The following RIN3 variants were observed in gnomAD, a reference collection of about 807,000 sequenced individuals.
RIN3 encodes the protein Ras and Rab interactor 3.
Under a neutral mutation model 76.3 loss-of-function variants are expected in RIN3, and 54 were observed. That is an observed-to-expected ratio of 0.71 (90% CI 0.57 to 0.89). RIN3 has a LOEUF of 0.89. Among genes scored for constraint, RIN3 ranks in the 40% least tolerant of loss-of-function variants. RIN3 has a pLI of 0.00. For missense variants in RIN3, 1,256 were observed against 1,322.1 expected, an observed-to-expected ratio of 0.95 and a Z score of 0.78; for synonymous variants, 576 against 564.0, an observed-to-expected ratio of 1.02 and a Z score of -0.30.
chr14:92,613,737 CAT>C (rs1208876480), intron 3 of RIN3, among the ~76,000 whole-genome samples: 1 of 152,212 alleles, frequency 6.6e-6, no homozygotes, highest in Admixed American at 6.5e-5. Context: ...CTCTAAGCCT[CAT>C]TGTCTGTTCC....
chr14:92,585,597 C>T, intron 3 of RIN3, among the ~76,000 whole-genome samples: 1 of 152,194 alleles, frequency 6.6e-6, no homozygotes, highest in South Asian at 2.1e-4. Flanking sequence ...GTGCAAGAAG[C>T]AATCCTACCT....
chr14:92,515,290 T>A (rs1270993191), intron 1 of RIN3: 2 of 696,128 alleles, frequency 2.9e-6, no homozygotes, highest in Non-Finnish European at 5.2e-6. Context: ...CACTTGCAAG[T>A]ATCTGCCACA....
intron 5 of RIN3, among the ~76,000 whole-genome samples, chr14:92,647,013 G>A (rs1247178275): frequency 6.6e-6 from 1 of 152,178 alleles, no homozygotes; most frequent in African/African-American, 2.4e-5. Flanking sequence ...GGATGATCTT[G>A]TAGTTACAGG....
chr14:92,598,831 A>C (rs1885242295), intron 3 of RIN3, among the ~76,000 whole-genome samples: 1 of 152,180 alleles, frequency 6.6e-6, no homozygotes, highest in South Asian at 2.1e-4. Flanking sequence ...ATTTATATTA[A>C]AATGATGTTA....
At chr14:92,564,373 G>A (rs1007708513) in intron 2 of RIN3, among the ~76,000 whole-genome samples, 20 of 152,152 alleles carry the variant, frequency 1.3e-4, no homozygotes, top group African/African-American at 4.8e-4. Context: ...CAGACTGGCG[G>A]TACCATTTCC....
At chr14:92,537,646 T>TTTTTTTTTTTTTTTTTG (rs1897031895) in intron 1 of RIN3, among the ~76,000 whole-genome samples, 1 of 125,398 alleles carries the variant, frequency 8.0e-6, no homozygotes, top group Non-Finnish European at 1.7e-5. Flanking sequence ...TTTTTTTTTT[T>TTTTTTTTTTTTTTTTTG]TTTTTTTTTT....
chr14:92,553,640 G>T (rs1223868720), intron 1 of RIN3, among the ~76,000 whole-genome samples: 1 of 152,030 alleles, frequency 6.6e-6, no homozygotes, highest in African/African-American at 2.4e-5. Context: ...GAAGGCTGTG[G>T]ACCGAAAGGG....
chr14:92,687,813 A>G (rs1474744093), intron 9 of RIN3, 113 bp from the exon 10 acceptor site: 3 of 973,404 alleles, frequency 3.1e-6, no homozygotes, highest in Non-Finnish European at 4.3e-6. Context: ...CCGGACTCGC[A>G]GACAGCTTGG....
chr14:92,561,315 G>T (rs996335798), intron 2 of RIN3, among the ~76,000 whole-genome samples: 4 of 151,150 alleles, frequency 2.6e-5, no homozygotes, highest in Non-Finnish European at 5.9e-5. Flanking sequence ...CAGGCCCTTT[G>T]TTCCAAATAT....
intron 1 of RIN3, among the ~76,000 whole-genome samples, chr14:92,544,875 C>T (rs1315535902): frequency 6.6e-6 from 1 of 152,012 alleles, no homozygotes; most frequent in African/African-American, 2.4e-5. Context: ...TGGTTGAAAC[C>T]TCCTTCGCAC....
Position 92,652,251 on chromosome 14 carries a change from G to T in RIN3, c.1202G>T (p.Ser401Ile), listed in dbSNP as rs1284114475. The change falls in exon 6 of 10, where the codon AGT (serine) becomes ATT (isoleucine). Residue 401 changes from serine (S) to isoleucine (I), a missense_variant. Coordinates refer to ENST00000216487, the MANE Select transcript of RIN3 (RefSeq NM_024832.5). This position sits in a 1 kb window ranked among gnomAD's most constrained non-coding sequence, Gnocchi z 6.4. ...VSERVSLEDQ[S>I]PGMAAEGDQL... is the part of the protein sequence containing the mutation. ...GAGAGGGTGTCCTTAGAAGACCAAA[G>T]TCCGGGGATGGCGGCAGAGGGGGAC... The T allele has an allele frequency of 6.2e-7, 1 of 1,611,020 alleles. No individual in the cohort carries two copies. The highest frequency in any genetic ancestry group is 2.2e-5 in the East Asian group (1 of 44,774).
chr14:92,617,034 C>T (rs1375354108), intron 4 of RIN3, among the ~76,000 whole-genome samples: 1 of 152,176 alleles, frequency 6.6e-6, no homozygotes, highest in Non-Finnish European at 1.5e-5. Context: ...CACGGTGGCC[C>T]ACACCTGTGA....
At chr14:92,557,428 T>C (rs1476287317) in intron 2 of RIN3, among the ~76,000 whole-genome samples, 3 of 152,234 alleles carry the variant, frequency 2.0e-5, no homozygotes, top group African/African-American at 7.2e-5. Flanking sequence ...CCGTGCACTT[T>C]TGATGGTCTC....
intron 7 of RIN3, among the ~76,000 whole-genome samples, chr14:92,665,954 G>T (rs12895078): frequency 6.6e-6 from 1 of 151,658 alleles, no homozygotes; most frequent in Admixed American, 6.6e-5. Flanking sequence ...CCGAGGTGTG[G>T]TATGCAGCCC....
intron 6 of RIN3, among the ~76,000 whole-genome samples, chr14:92,658,292 G>A (rs1042491426): frequency 6.6e-6 from 1 of 152,232 alleles, no homozygotes; most frequent in African/African-American, 2.4e-5. Flanking sequence ...CCAGCCATGT[G>A]GACGACTGCG....
intron 1 of RIN3, among the ~76,000 whole-genome samples, chr14:92,517,558 TG>T (rs912071537): frequency 1.3e-5 from 2 of 151,898 alleles, no homozygotes; most frequent in African/African-American, 4.8e-5. Flanking sequence ...TAGAAGAGAG[TG>T]GGGGGCCATG....
At chr14:92,579,329 A>G (rs1031609111) in intron 3 of RIN3, among the ~76,000 whole-genome samples, 4 of 152,246 alleles carry the variant, frequency 2.6e-5, no homozygotes, top group Non-Finnish European at 4.4e-5. Flanking sequence ...GGCTGTTACC[A>G]TCTTTGTTTC....
intron 1 of RIN3, among the ~76,000 whole-genome samples, chr14:92,522,899 C>T (rs919061621): frequency 5.3e-5 from 8 of 152,170 alleles, no homozygotes; most frequent in African/African-American, 1.9e-4. Flanking sequence ...TCCTTCTCTC[C>T]TTTCCTCTCT....
intron 7 of RIN3, among the ~76,000 whole-genome samples, chr14:92,661,652 A>G (rs943474177): frequency 1.3e-5 from 2 of 151,390 alleles, no homozygotes; most frequent in Admixed American, 6.6e-5. Context: ...TGAACCCGGG[A>G]GGCAGACGTT....
Sources: allele counts gnomAD v4.1 joint callset (sites outside exome capture counted in the v4.1 genomes callset), GRCh38; gene constraint gnomAD v4.1.1; non-coding constraint Gnocchi (gnomAD v3.1); transcripts MANE v1.5; gene names NCBI Gene and HGNC (gene_info 2026-07-23, HGNC 2026-07-21).